The following SAMTOR variants were observed in gnomAD, a reference collection of about 807,000 sequenced individuals.
The protein encoded by SAMTOR is UPF0532 protein C7orf60.
At chr7:112,938,191 T>C in the SAMTOR span, among the ~76,000 whole-genome samples, 1 of 152,188 alleles carries the variant, frequency 6.6e-6, no homozygotes. Context: ...GTTGTTGCTA[T>C]GGTAACTACT....
chr7:112,908,530 C>T, the SAMTOR span, among the ~76,000 whole-genome samples: 2 of 152,168 alleles, frequency 1.3e-5, no homozygotes, highest in South Asian at 2.1e-4. Context: ...CAAACAGACA[C>T]ATCCTATTGC....
chr7:112,917,203 C>G, the SAMTOR span, among the ~76,000 whole-genome samples: 62 of 151,978 alleles, frequency 4.1e-4, 1 homozygote, highest in African/African-American at 1.5e-3. Flanking sequence ...AGGCACCCCC[C>G]AGTAGGGGCA....
chr7:112,822,392 AG>A, the SAMTOR span: 2 of 1,554,684 alleles, frequency 1.3e-6, no homozygotes, highest in Non-Finnish European at 1.7e-6. Flanking sequence ...ACAGAAAACA[AG>A]GCATATTAAG....
chr7:112,921,256 T>A, the SAMTOR span, among the ~76,000 whole-genome samples: 1 of 152,050 alleles, frequency 6.6e-6, no homozygotes, highest in African/African-American at 2.4e-5. Flanking sequence ...GAGATATAGA[T>A]CAATGGAACA....
chr7:112,914,276 GT>G, the SAMTOR span, among the ~76,000 whole-genome samples: 14 of 130,986 alleles, frequency 1.1e-4, no homozygotes, highest in Non-Finnish European at 1.7e-4. Flanking sequence ...TTAGCCTCTA[GT>G]TTTTTTTTTT....
the SAMTOR span, among the ~76,000 whole-genome samples, chr7:112,932,448 C>T: frequency 6.6e-6 from 1 of 151,974 alleles, no homozygotes; most frequent in African/African-American, 2.4e-5. Flanking sequence ...AATTAGAAAA[C>T]ATGGGTATCC....
the SAMTOR span, among the ~76,000 whole-genome samples, chr7:112,853,091 T>G: frequency 0.011 from 1,623 of 152,318 alleles, 29 homozygotes; most frequent in African/African-American, 0.037. Context: ...TTATTTCTGT[T>G]ATGCTGCCTC....
the SAMTOR span, among the ~76,000 whole-genome samples, chr7:112,866,369 T>C: frequency 5.3e-5 from 8 of 152,214 alleles, no homozygotes; most frequent in African/African-American, 1.9e-4. Flanking sequence ...ATTATCCACA[T>C]AGTAAGAATA....
the SAMTOR span, among the ~76,000 whole-genome samples, chr7:112,824,422 G>A: frequency 3.3e-5 from 5 of 151,914 alleles, no homozygotes; most frequent in South Asian, 4.1e-4. Flanking sequence ...GTGCAGTAGC[G>A]TGATCTTGGC....
At chr7:112,895,313 T>C in the SAMTOR span, among the ~76,000 whole-genome samples, 1 of 151,938 alleles carries the variant, frequency 6.6e-6, no homozygotes, top group Non-Finnish European at 1.5e-5. Context: ...TGTATAATTA[T>C]ATAATCGTAT....
chr7:112,919,442 C>T, the SAMTOR span, among the ~76,000 whole-genome samples: 1 of 151,548 alleles, frequency 6.6e-6, no homozygotes, highest in Non-Finnish European at 1.5e-5. Flanking sequence ...GGGACACATT[C>T]AAAGCAGTGT....
the SAMTOR span, among the ~76,000 whole-genome samples, chr7:112,904,491 A>T: frequency 9.2e-4 from 140 of 152,306 alleles, no homozygotes; most frequent in Middle Eastern, 3.4e-3. Context: ...ATAATTAATG[A>T]AAGCATTACA....
At chr7:112,831,910 T>C in the SAMTOR span, among the ~76,000 whole-genome samples, 1 of 152,172 alleles carries the variant, frequency 6.6e-6, no homozygotes. Flanking sequence ...ACACTGTATA[T>C]TTCAGAAAGA....
At chr7:112,918,278 G>C in the SAMTOR span, among the ~76,000 whole-genome samples, 1 of 152,360 alleles carries the variant, frequency 6.6e-6, no homozygotes, top group African/African-American at 2.4e-5. Context: ...CCAGAAGAGA[G>C]TGGGGGCCTA....
At chr7:112,859,156 C>A in the SAMTOR span, among the ~76,000 whole-genome samples, 1 of 152,270 alleles carries the variant, frequency 6.6e-6, no homozygotes, top group African/African-American at 2.4e-5. Context: ...AGCCTACTAG[C>A]CTGCCCTGCA....
the SAMTOR span, among the ~76,000 whole-genome samples, chr7:112,924,034 G>A: frequency 6.7e-6 from 1 of 149,810 alleles, no homozygotes; most frequent in Non-Finnish European, 1.5e-5. Flanking sequence ...CACACTCTGG[G>A]GTCTGTTGTG....
the SAMTOR span, among the ~76,000 whole-genome samples, chr7:112,926,402 T>C: frequency 6.6e-6 from 1 of 152,226 alleles, no homozygotes. Context: ...AGAAGACCTC[T>C]AGTTTTTCAT....
At chr7:112,918,287 T>A in the SAMTOR span, among the ~76,000 whole-genome samples, 1 of 152,280 alleles carries the variant, frequency 6.6e-6, no homozygotes, top group African/African-American at 2.4e-5. Flanking sequence ...AGTGGGGGCC[T>A]ATATTCAACA....
At chr7:112,839,618 A>G in the SAMTOR span, among the ~76,000 whole-genome samples, 2 of 151,784 alleles carry the variant, frequency 1.3e-5, no homozygotes, top group Non-Finnish European at 2.9e-5. Flanking sequence ...AATCACAGGG[A>G]GTTTTCTGTA....
Sources: allele counts gnomAD v4.1 joint callset (sites outside exome capture counted in the v4.1 genomes callset), GRCh38; gene constraint gnomAD v4.1.1; transcripts MANE v1.5; gene names NCBI Gene and HGNC (gene_info 2026-07-23, HGNC 2026-07-21).